Variants in PBX3 observed in about 807,000 individuals in gnomAD.
The protein encoded by PBX3 is pre-B-cell leukemia transcription factor 3.
PBX3 carries 14 observed loss-of-function variants against 48.5 expected under a neutral mutation model. That is an observed-to-expected ratio of 0.29 (90% CI 0.19 to 0.45). The LOEUF is 0.45. Ranked by LOEUF, PBX3 falls within the 20% of genes least tolerant of loss-of-function variation. The pLI is 1.00. For missense variants in PBX3, 386 were observed against 546.7 expected, an observed-to-expected ratio of 0.71 and a Z score of 2.93; for synonymous variants, 210 against 200.3, an observed-to-expected ratio of 1.05 and a Z score of -0.41.
intron 2 of PBX3, among the ~76,000 whole-genome samples, chr9:125,785,727 C>T (rs759972064): frequency 6.6e-6 from 1 of 152,158 alleles, no homozygotes; most frequent in Non-Finnish European, 1.5e-5. Context: ...CTCTGGAGAA[C>T]ACTGACTAAT....
At chr9:125,891,792 A>G (rs1840650903) in intron 2 of PBX3, among the ~76,000 whole-genome samples, 1 of 152,122 alleles carries the variant, frequency 6.6e-6, no homozygotes, top group Non-Finnish European at 1.5e-5. Flanking sequence ...AGAATTTTGT[A>G]TTTTGACTCT....
chr9:125,959,030 C>G (rs1387047204), intron 5 of PBX3, among the ~76,000 whole-genome samples: 1 of 152,178 alleles, frequency 6.6e-6, no homozygotes, highest in Non-Finnish European at 1.5e-5. Flanking sequence ...GCTGAGAGGT[C>G]AGACTAGTCA....
chr9:125,938,390 T>C (rs554464916), intron 5 of PBX3, among the ~76,000 whole-genome samples: 31 of 152,312 alleles, frequency 2.0e-4, no homozygotes, highest in African/African-American at 7.5e-4. Flanking sequence ...TATCAATAGA[T>C]ATTAAATCTA....
chr9:125,747,640 G>A lies in PBX3; in HGVS notation c.187G>A (p.Glu63Lys), dbSNP rs868748339. The A allele has an allele frequency of 6.3e-7, 1 of 1,591,932 alleles. No homozygotes were observed. The highest frequency in any genetic ancestry group is 8.5e-7 in the Non-Finnish European group (1 of 1,169,640). The part of the protein sequence containing the change: ...IMTITDQSLD[E>K]AQAKKHALNC... ...GACCATCACCGACCAGAGCTTGGAC[G>A]AGGCGCAAGCAAAGTTGGTGTCGTC... The change falls in exon 1 of 9, where the codon GAG (glutamate) becomes AAG (lysine). Residue 63 changes from glutamate (E) to lysine (K), a missense_variant. By Grantham distance (56) the Glu-to-Lys change is moderately conservative (BLOSUM62 1). Coordinates refer to ENST00000373489, the MANE Select transcript of PBX3 (RefSeq NM_006195.6).
In PBX3 at chr9:125,872,593, C is replaced by G. The variant is rs146745347; in HGVS notation, c.275-43093C>G. 3.7e-3 allele frequency among the ~76,000 whole-genome samples: 565 copies of G among 151,718 alleles called. 4 individuals carry two copies. The highest frequency in any genetic ancestry group is 0.012 in the African/African-American group (503 of 41,374). ...GGGCAACATAGCGAGACCCCCATCT[C>G]ACAAAAAAATTTTAAAAATAGCCAG... On this transcript the variant is annotated intron_variant, in intron 2 of 8. Transcript: ENST00000373489.
At chr9:125,750,578 G>T (rs1320362892) in intron 2 of PBX3, among the ~76,000 whole-genome samples, 1 of 152,174 alleles carries the variant, frequency 6.6e-6, no homozygotes, top group Non-Finnish European at 1.5e-5. Context: ...CTTTGGTAGG[G>T]CTATTGCTAT....
chr9:125,857,900 G>A (rs756249432), intron 2 of PBX3, among the ~76,000 whole-genome samples: 6 of 152,122 alleles, frequency 3.9e-5, no homozygotes, highest in African/African-American at 7.2e-5. Context: ...AAACAAGTAG[G>A]CACTTTTAAA....
At chr9:125,901,172 C>T (rs1423750038) in intron 2 of PBX3, among the ~76,000 whole-genome samples, 2 of 151,606 alleles carry the variant, frequency 1.3e-5, no homozygotes, top group South Asian at 2.1e-4. Flanking sequence ...GATATCTACC[C>T]GCTTCCGTCA....
chr9:125,764,213 T>C (rs1346302467), intron 2 of PBX3, among the ~76,000 whole-genome samples: 2 of 152,250 alleles, frequency 1.3e-5, no homozygotes, highest in Non-Finnish European at 2.9e-5. Context: ...GATGTAAATA[T>C]ATTTTGCAAG....
intron 3 of PBX3, among the ~76,000 whole-genome samples, chr9:125,917,988 A>G (rs186406011): frequency 1.1e-4 from 17 of 152,340 alleles, no homozygotes; most frequent in Middle Eastern, 6.8e-3. Flanking sequence ...ATGGTTGAAA[A>G]GGTTGCCCCT....
At chr9:125,822,983 TAAA>T (rs201653798) in intron 2 of PBX3, among the ~76,000 whole-genome samples, 3 of 137,270 alleles carry the variant, frequency 2.2e-5, no homozygotes, top group Admixed American at 7.2e-5. Context: ...GCTAAGTAGC[TAAA>T]AAAAAAAAAA....
rs1274623099 is a variant in PBX3 at position 125,915,857 on chromosome 9, A to G, written c.446A>G (p.His149Arg). 1 of 1,614,086 alleles carries G rather than the reference A, an allele frequency of 6.2e-7. No individual in the cohort carries two copies. Among genetic ancestry groups the G allele is most frequent in the Non-Finnish European group, 8.5e-7 (1 of 1,180,004 alleles). The change falls in exon 3 of 9, where the codon CAC becomes CGC. Residue 149 changes from histidine to arginine, a missense_variant. His to Arg is a conservative substitution (Grantham distance 29). Around this residue, in one of 4 missense-constraint regions of PBX3, gnomAD observed 69 missense variants for 99.1 expected, o/e 0.70. Transcript: ENST00000373489. ...SGGSSDNSIE[H>R]SDYRAKLTQI... ...GGTTCTTCAGATAACTCTATTGAAC[A>G]CTCAGATTACAGAGCCAAATTGACC...
chr9:125,781,979 C>T (rs954795395), intron 2 of PBX3, among the ~76,000 whole-genome samples: 2 of 151,868 alleles, frequency 1.3e-5, no homozygotes, highest in Non-Finnish European at 2.9e-5. Context: ...CATTTGATCC[C>T]CTTCTAATTT....
chr9:125,899,193 ATATATATATTTATAAATATACATAT>A, intron 2 of PBX3, among the ~76,000 whole-genome samples: 1 of 143,272 alleles, frequency 7.0e-6, no homozygotes, highest in East Asian at 2.0e-4. Flanking sequence ...TCTTTAGATG[ATATATATATTTATAAATATACATAT>A]GTATATATAT....
At chr9:125,765,080 T>A (rs944350711) in intron 2 of PBX3, among the ~76,000 whole-genome samples, 1 of 152,158 alleles carries the variant, frequency 6.6e-6, no homozygotes, top group Non-Finnish European at 1.5e-5. Flanking sequence ...TATATACAGA[T>A]ACTGACCCTG....
intron 2 of PBX3, among the ~76,000 whole-genome samples, chr9:125,911,061 C>G (rs867920080): frequency 6.6e-6 from 1 of 152,026 alleles, no homozygotes; most frequent in African/African-American, 2.4e-5. Context: ...CTTACCCTCC[C>G]AACCCCAAAT....
At chr9:125,899,298 A>T (rs1303295483) in intron 2 of PBX3, among the ~76,000 whole-genome samples, 9 of 60,080 alleles carry the variant, frequency 1.5e-4, no homozygotes, top group Non-Finnish European at 2.7e-4. Context: ...TTTATATATA[A>T]ATATACATAT....
intron 2 of PBX3, among the ~76,000 whole-genome samples, chr9:125,758,636 G>C (rs143881263): frequency 7.6e-4 from 116 of 152,208 alleles, no homozygotes; most frequent in African/African-American, 2.7e-3. Flanking sequence ...CCAAGCTGTA[G>C]AATTTCTAAA....
Position 125,940,011 on chromosome 9 carries a change from G to C in PBX3, c.843+4404G>C, listed in dbSNP as rs561433833. ...AGCCTGACCAACATGGAGAAACCCC[G>C]TCTCTACTAAAAATACAAAAAGTAG... is the stretch of plus-strand genomic sequence containing the variant. On this transcript the variant is annotated intron_variant, in intron 5 of 8. Coordinates refer to ENST00000373489, the MANE Select transcript of PBX3 (RefSeq NM_006195.6). Among the ~76,000 whole-genome samples the C allele has an allele frequency of 1.2e-4, 18 of 152,158 alleles. 1 individual carries two copies. The East Asian group carries it at 2.9e-3, about 24-fold the overall frequency.
Sources: gnomAD v4.1 joint callset for allele counts (sites outside exome capture counted in the v4.1 genomes callset) on GRCh38, gnomAD v4.1.1 for gene constraint, gnomAD v4.1.1 regional missense constraint, MANE v1.5 for transcripts, NCBI Gene and HGNC (gene_info 2026-07-23, HGNC 2026-07-21) for gene names.